The following SRP68 variants were observed in gnomAD, a reference collection of about 807,000 sequenced individuals.
SRP68 encodes signal recognition particle 68.
A neutral mutation model predicts 82.2 loss-of-function variants in SRP68; 15 were observed. That is an observed-to-expected ratio of 0.18 (90% CI 0.12 to 0.28). SRP68 has a LOEUF of 0.28. Among genes scored for constraint, SRP68 ranks in the 10% least tolerant of loss-of-function variants. SRP68 has a pLI of 1.00. For missense variants in SRP68, 595 were observed against 780.5 expected, an observed-to-expected ratio of 0.76 and a Z score of 2.83; for synonymous variants, 261 against 292.6, an observed-to-expected ratio of 0.89 and a Z score of 1.10.
At chr17:76,057,337 T>C (rs2066719976) in intron 8 of SRP68, 66 bp downstream of exon 8, 1 of 1,599,388 alleles carries the variant, frequency 6.3e-7, no homozygotes, top group South Asian at 1.1e-5. Context: ...AGCCACTACA[T>C]CTTAAACACA....
intron 11 of SRP68, 107 bp from the exon 12 acceptor site, chr17:76,045,493 G>A (rs1485734919): frequency 3.8e-6 from 3 of 795,398 alleles, no homozygotes; most frequent in Non-Finnish European, 6.0e-6. Flanking sequence ...AAAAAAGCCC[G>A]AGGTCAATAC....
Position 76,039,321 on chromosome 17 carries a change from A to G in SRP68, c.*385T>C. On this transcript the variant is annotated 3_prime_UTR_variant, in exon 16 of 16. Coordinates refer to ENST00000307877, the MANE Select transcript of SRP68 (RefSeq NM_014230.4). ...CTCCTGGATGCTCACAGCAAGGATG[A>G]GTTCATTTCAAATCCATGGTACTGA... The G allele has an allele frequency of 2.1e-6, 1 of 468,380 alleles. No individual in the cohort carries two copies. The highest frequency in any genetic ancestry group is 1.5e-5 in the South Asian group (1 of 64,652). The allele number at this position is 468,380 out of a possible 1,614,324, so 29.0% of individuals were successfully genotyped here. A position where few individuals can be genotyped will look rare whatever the true frequency, so the allele number is the denominator to read the frequency against.
At chr17:76,045,152 G>A (rs62090084) in intron 12 of SRP68, 140 bp downstream of exon 12, 141 of 660,530 alleles carry the variant, frequency 2.1e-4, no homozygotes, top group Non-Finnish European at 3.2e-4. Context: ...TGAACATGCT[G>A]GGCTGACCTT....
chr17:76,038,867 A>G lies in SRP68; in HGVS notation c.*839T>C, dbSNP rs555532927. On this transcript the variant is annotated 3_prime_UTR_variant, in exon 16 of 16. Coordinates refer to ENST00000307877, the MANE Select transcript of SRP68 (RefSeq NM_014230.4). ...TATTGATGTTATAATAGAAGTGAAA[A>G]GGGATGACTAAGGAAAAACGGGGGG... 1 of 153,766 alleles carries G rather than the reference A, an allele frequency of 6.5e-6. No homozygotes were observed. 9.5% of individuals were successfully genotyped at this position (153,766 alleles called of 1,614,324 possible). A position where few individuals can be genotyped will look rare whatever the true frequency, so the allele number is the denominator to read the frequency against.
chr17:76,050,977 A>G (rs888671177), intron 8 of SRP68, among the ~76,000 whole-genome samples: 3 of 152,114 alleles, frequency 2.0e-5, no homozygotes, highest in Non-Finnish European at 4.4e-5. Context: ...GTCAAGCTCT[A>G]CTGTATGCCA....
intron 14 of SRP68, 54 bp from the exon 15 acceptor site, chr17:76,040,528 T>A: frequency 6.4e-7 from 1 of 1,569,926 alleles, no homozygotes; most frequent in South Asian, 1.1e-5. Context: ...AGCACACTAA[T>A]CACAAATGAG....
intron 1 of SRP68, among the ~76,000 whole-genome samples, chr17:76,070,849 T>C (rs866134553): frequency 3.0e-4 from 21 of 69,706 alleles, no homozygotes; most frequent in East Asian, 1.4e-3. Context: ...CACATGCACA[T>C]GCACACACAC....
intron 8 of SRP68, among the ~76,000 whole-genome samples, chr17:76,055,754 TAA>T (rs747656393): frequency 2.9e-5 from 4 of 139,294 alleles, no homozygotes; most frequent in Admixed American, 1.4e-4. Flanking sequence ...ACTCTGTCTT[TAA>T]AAAAAAAAAA....
At chr17:76,058,818 T>C (rs141069033) in intron 7 of SRP68, among the ~76,000 whole-genome samples, 7 of 152,352 alleles carry the variant, frequency 4.6e-5, no homozygotes, top group East Asian at 3.9e-4. Flanking sequence ...TAATCAAGAA[T>C]GTGTGCAAAA....
Position 76,064,471 on chromosome 17 carries a change from G to A in SRP68, c.366-300C>T, listed in dbSNP as rs186605368. On this transcript the variant is annotated intron_variant, in intron 3 of 15. Coordinates refer to ENST00000307877, the MANE Select transcript of SRP68 (RefSeq NM_014230.4). ...CTCCTGAATGTTGTCAAACAGACAC[G>A]GTCTAGGCACACGATCTGGCCTCAT... Among the ~76,000 whole-genome samples the A allele has an allele frequency of 8.2e-3, 1,250 of 152,188 alleles. 16 individuals are homozygous for A. Among genetic ancestry groups the A allele is most frequent in the African/African-American group, 0.027 (1,131 of 41,520 alleles).
intron 7 of SRP68, among the ~76,000 whole-genome samples, chr17:76,058,107 G>A (rs1229653858): frequency 6.6e-6 from 1 of 151,056 alleles, no homozygotes; most frequent in Non-Finnish European, 1.5e-5. Flanking sequence ...CGAGCAGCTA[G>A]GACTACAGGT....
At position 76,072,189 on chromosome 17, in the gene SRP68, G is replaced by A; in HGVS notation, c.184+119C>T. The A allele has an allele frequency of 3.2e-6, 5 of 1,561,734 alleles. No homozygotes were observed. The highest frequency in any genetic ancestry group is 4.3e-6 in the Non-Finnish European group (5 of 1,164,660). Reference sequence around the variant, plus strand: ...TGAGCACCAAAAGGTAAGGGCGAGAGAAACTGCAACCCTCGGCCTCTCCTG... The same window carrying A: ...TGAGCACCAAAAGGTAAGGGCGAGAAAAACTGCAACCCTCGGCCTCTCCTG... On this transcript the variant is annotated intron_variant, in intron 1 of 15. Transcript: ENST00000307877. The surrounding 1 kb of genome is among the most constrained non-coding windows in gnomAD (Gnocchi z 4.5).
At chr17:76,044,593 AC>A (rs1475335065) in intron 12 of SRP68, among the ~76,000 whole-genome samples, 1 of 152,152 alleles carries the variant, frequency 6.6e-6, no homozygotes, top group East Asian at 1.9e-4. Flanking sequence ...TACAAATGAC[AC>A]AAGTCATTTA....
At chr17:76,064,824 G>C (rs2066794558) in intron 3 of SRP68, among the ~76,000 whole-genome samples, 1 of 138,878 alleles carries the variant, frequency 7.2e-6, no homozygotes, top group Non-Finnish European at 1.5e-5. Flanking sequence ...TTGGGCAACA[G>C]GGCAAGACTC....
intron 3 of SRP68, 102 bp from the exon 4 acceptor site, chr17:76,064,273 C>T: frequency 1.0e-6 from 1 of 990,920 alleles, no homozygotes; most frequent in Non-Finnish European, 1.5e-6. Flanking sequence ...TTATACTCTC[C>T]CGCCTTTGCC....
chr17:76,053,764 G>T, intron 8 of SRP68: 1 of 529,626 alleles, frequency 1.9e-6, no homozygotes, highest in Non-Finnish European at 2.4e-6. Flanking sequence ...TTCTCCCTGG[G>T]CAGGGCAAAA....
chr17:76,048,127 A>C, intron 9 of SRP68, 157 bp from the exon 10 acceptor site: 1 of 366,124 alleles, frequency 2.7e-6, no homozygotes, highest in Non-Finnish European at 5.1e-6. Context: ...ACTTGACATA[A>C]TCTAGAATGA....
chr17:76,068,816 C>T (rs1301188894), intron 2 of SRP68, among the ~76,000 whole-genome samples: 1 of 152,058 alleles, frequency 6.6e-6, no homozygotes, highest in Non-Finnish European at 1.5e-5. Context: ...GTTGCCCAGG[C>T]TGGGCTCGAA....
intron 10 of SRP68, 146 bp from the exon 11 acceptor site, chr17:76,046,340 G>A: frequency 1.2e-6 from 1 of 847,740 alleles, no homozygotes; most frequent in African/African-American, 1.7e-5. Context: ...TGGGCTTCAA[G>A]GGACCCTCCA....
Sources: gnomAD v4.1 joint callset for allele counts (sites outside exome capture counted in the v4.1 genomes callset) on GRCh38, gnomAD v4.1.1 for gene constraint, Gnocchi (gnomAD v3.1) non-coding constraint, MANE v1.5 for transcripts, NCBI Gene and HGNC (gene_info 2026-07-23, HGNC 2026-07-21) for gene names.